PRP4K: variants seen among roughly 807,000 people sequenced by gnomAD.
The protein encoded by PRP4K is pre-mRNA processing factor kinase PRP4K, also known as serine/threonine-protein kinase PRP4 homolog.
chr6:4,060,463 T>C, the PRP4K span: 1 of 1,613,934 alleles, frequency 6.2e-7, no homozygotes, highest in Non-Finnish European at 8.5e-7. This position sits in a 1 kb window ranked among gnomAD's most constrained non-coding sequence, Gnocchi z 4.7. Flanking sequence ...ACCTGTTGGC[T>C]GACTTGATTG....
At chr6:4,052,941 T>A in the PRP4K span, 3 of 1,368,584 alleles carry the variant, frequency 2.2e-6, no homozygotes, top group Non-Finnish European at 3.0e-6. Flanking sequence ...AGCAGTAATA[T>A]TATTACTATG....
At chr6:4,022,819 C>G in the PRP4K span, among the ~76,000 whole-genome samples, 9 of 152,198 alleles carry the variant, frequency 5.9e-5, no homozygotes, top group Non-Finnish European at 5.9e-5. Flanking sequence ...TATGCCAGTA[C>G]CGTGCAGATC....
the PRP4K span, among the ~76,000 whole-genome samples, chr6:4,057,717 G>A: frequency 1.3e-5 from 2 of 148,954 alleles, no homozygotes; most frequent in Non-Finnish European, 3.0e-5. Flanking sequence ...AAGAATGTAA[G>A]CATTTATTAA....
the PRP4K span, chr6:4,058,896 A>T: frequency 3.5e-6 from 4 of 1,150,556 alleles, no homozygotes; most frequent in East Asian, 5.1e-5. Context: ...AATTAAAAAA[A>T]AAACAAAAAC....
chr6:4,053,903 TTTTTG>T, the PRP4K span, among the ~76,000 whole-genome samples: 14 of 149,392 alleles, frequency 9.4e-5, no homozygotes, highest in Admixed American at 2.0e-4. Context: ...TCTTTTGTTT[TTTTTG>T]TTTTGTTTTG....
At chr6:4,032,400 C>T in the PRP4K span, 3 of 1,614,014 alleles carry the variant, frequency 1.9e-6, no homozygotes, top group Non-Finnish European at 2.5e-6. Flanking sequence ...ATCCAGATCC[C>T]CAGTTGATTT....
the PRP4K span, among the ~76,000 whole-genome samples, chr6:4,045,063 G>A: frequency 2.0e-5 from 3 of 151,648 alleles, no homozygotes; most frequent in Admixed American, 6.6e-5. Flanking sequence ...GGGTTTCACC[G>A]TGTTAGCCAG....
At chr6:4,023,291 T>G in the PRP4K span, among the ~76,000 whole-genome samples, 1 of 152,240 alleles carries the variant, frequency 6.6e-6, no homozygotes, top group Non-Finnish European at 1.5e-5. Flanking sequence ...AAGAAGCAGC[T>G]TTTAAGCTCC....
chr6:4,041,888 ATTC>A, the PRP4K span, among the ~76,000 whole-genome samples: 1 of 152,266 alleles, frequency 6.6e-6, no homozygotes, highest in Non-Finnish European at 1.5e-5. Flanking sequence ...TAGTTTGCCT[ATTC>A]TTCTGCAGCG....
chr6:4,049,437 G>A, the PRP4K span: 1 of 466,646 alleles, frequency 2.1e-6, no homozygotes, highest in Admixed American at 3.9e-5. Flanking sequence ...AGGAAACTTT[G>A]GATGCCAGTC....
At chr6:4,027,065 G>A in the PRP4K span, among the ~76,000 whole-genome samples, 11 of 152,240 alleles carry the variant, frequency 7.2e-5, no homozygotes, top group East Asian at 5.8e-4. Context: ...GGGATGTTGG[G>A]GCTGTAAGTA....
chr6:4,040,733 T>A, the PRP4K span: 1 of 1,592,834 alleles, frequency 6.3e-7, no homozygotes, highest in Admixed American at 1.8e-5. Flanking sequence ...CACTTTGACA[T>A]TTAAAAAAAT....
the PRP4K span, among the ~76,000 whole-genome samples, chr6:4,047,451 A>T: frequency 9.9e-5 from 15 of 152,246 alleles, no homozygotes; most frequent in Admixed American, 2.0e-4. Context: ...ATGGCAGAAC[A>T]ATTTGAGAGC....
the PRP4K span, among the ~76,000 whole-genome samples, chr6:4,046,248 G>T: frequency 6.6e-6 from 1 of 152,288 alleles, no homozygotes; most frequent in Admixed American, 6.5e-5. Context: ...GTACCATTTT[G>T]CCGTCTTTCT....
the PRP4K span, chr6:4,064,424 C>T: frequency 6.6e-6 from 1 of 152,580 alleles, no homozygotes; most frequent in South Asian, 2.1e-4. Context: ...GAAATAAAAT[C>T]TCTGAGATGA....
the PRP4K span, chr6:4,032,863 T>TA: frequency 4.9e-6 from 6 of 1,218,750 alleles, no homozygotes; most frequent in African/African-American, 9.4e-5. Flanking sequence ...AAAATAAAAA[T>TA]AAATGAAGTA....
the PRP4K span, chr6:4,058,879 G>C: frequency 7.9e-7 from 1 of 1,267,308 alleles, no homozygotes; most frequent in Non-Finnish European, 1.1e-6. Context: ...AATCATACGA[G>C]CTGGTGAATT....
At chr6:4,053,648 C>A in the PRP4K span, among the ~76,000 whole-genome samples, 1 of 152,148 alleles carries the variant, frequency 6.6e-6, no homozygotes, top group African/African-American at 2.4e-5. Flanking sequence ...CACACTCCTC[C>A]CCTCCCTGGC....
the PRP4K span, chr6:4,058,654 T>C: frequency 2.6e-4 from 256 of 993,694 alleles, 2 homozygotes; most frequent in Admixed American, 2.3e-3. Context: ...ATTTGACTTA[T>C]TGTATATTAA....
Sources: gnomAD v4.1 joint callset for allele counts (sites outside exome capture counted in the v4.1 genomes callset) on GRCh38, gnomAD v4.1.1 for gene constraint, Gnocchi (gnomAD v3.1) non-coding constraint, MANE v1.5 for transcripts, NCBI Gene and HGNC (gene_info 2026-07-23, HGNC 2026-07-21) for gene names.